The following TENM3 variants were observed in gnomAD, a reference collection of about 807,000 sequenced individuals.
The protein encoded by TENM3 is teneurin-3.
Under a neutral mutation model 255.1 loss-of-function variants are expected in TENM3, and 63 were observed. That is an observed-to-expected ratio of 0.25 (90% CI 0.20 to 0.30). The LOEUF is 0.30. Ranked by LOEUF, TENM3 falls within the 10% of genes least tolerant of loss-of-function variation. TENM3 has a pLI of 1.00. For missense variants in TENM3, 2,929 were observed against 3,461.1 expected, an observed-to-expected ratio of 0.85 and a Z score of 3.86; for synonymous variants, 1,306 against 1,322.3, an observed-to-expected ratio of 0.99 and a Z score of 0.27.
rs1448149862 is a variant in TENM3, at chr4:182,357,767, G to A, written c.511+10838G>A. Reference sequence around the variant, plus strand: ...TTGGCTTTTGTTGCCATTGCTTTTGGTGTTTTAGACATGAAGTCCTTGCCC... The same window carrying A: ...TTGGCTTTTGTTGCCATTGCTTTTGATGTTTTAGACATGAAGTCCTTGCCC... On this transcript the variant is annotated intron_variant, in intron 3 of 27. Coordinates refer to ENST00000511685, the MANE Select transcript of TENM3 (RefSeq NM_001080477.4). Among the ~76,000 whole-genome samples the A allele has an allele frequency of 1.8e-4, 27 of 148,858 alleles. 1 individual carries two copies. The South Asian group carries it at 5.5e-3, about 31-fold the overall frequency.
chr4:182,162,198 G>T (rs931501096), intron 1 of TENM3, among the ~76,000 whole-genome samples: 6 of 151,778 alleles, frequency 4.0e-5, no homozygotes, highest in Admixed American at 6.6e-5. Flanking sequence ...TTAATATTTT[G>T]CTGAAAGCAA....
chr4:182,052,559 C>T, the TENM3 span, among the ~76,000 whole-genome samples: 1 of 152,144 alleles, frequency 6.6e-6, no homozygotes, highest in Non-Finnish European at 1.5e-5. Context: ...TTTTCATAGC[C>T]ACAAACCTCA....
At chr4:182,220,746 T>C (rs1755805895) in intron 1 of TENM3, among the ~76,000 whole-genome samples, 1 of 152,248 alleles carries the variant, frequency 6.6e-6, no homozygotes. Context: ...CTAGCCCATG[T>C]ACAGTGTACA....
chr4:182,142,223 G>A (rs2149536405), upstream of TENM3: 1 of 152,266 alleles, frequency 6.6e-6, no homozygotes, highest in East Asian at 1.9e-4. Context: ...AGTGGCAGAA[G>A]GAGATGGATC....
the TENM3 span, among the ~76,000 whole-genome samples, chr4:181,916,535 G>T: frequency 6.6e-6 from 1 of 152,116 alleles, no homozygotes; most frequent in South Asian, 2.1e-4. Flanking sequence ...AAGGGTTATT[G>T]AAAGTATGAC....
intron 3 of TENM3, among the ~76,000 whole-genome samples, chr4:182,550,569 C>G (rs1741897611): frequency 6.6e-6 from 1 of 152,094 alleles, no homozygotes; most frequent in Non-Finnish European, 1.5e-5. Flanking sequence ...GACTTTAATT[C>G]TTAGCCTCTG....
the TENM3 span, among the ~76,000 whole-genome samples, chr4:182,093,507 C>T: frequency 1.3e-5 from 2 of 152,262 alleles, no homozygotes; most frequent in South Asian, 2.1e-4. Flanking sequence ...GAAAGAACTA[C>T]GTGATAGGAA....
At chr4:182,507,154 A>G (rs966447142) in intron 3 of TENM3, among the ~76,000 whole-genome samples, 9 of 151,972 alleles carry the variant, frequency 5.9e-5, no homozygotes, top group African/African-American at 2.2e-4. Context: ...TAAGGAAAAA[A>G]AAAGCACACT....
At chr4:182,684,177 AGTG>A (rs1391668447) in intron 11 of TENM3, among the ~76,000 whole-genome samples, 3 of 151,342 alleles carry the variant, frequency 2.0e-5, no homozygotes, top group African/African-American at 7.3e-5. Context: ...GGAAGAGAGA[AGTG>A]GAGGAGGAAG....
At chr4:181,775,555 A>G in the TENM3 span, among the ~76,000 whole-genome samples, 16 of 152,198 alleles carry the variant, frequency 1.1e-4, no homozygotes, top group Non-Finnish European at 1.9e-4. Flanking sequence ...AAATTTAATA[A>G]GTGTACCAAT....
the TENM3 span, among the ~76,000 whole-genome samples, chr4:181,957,858 T>C: frequency 6.6e-6 from 1 of 152,222 alleles, no homozygotes; most frequent in Non-Finnish European, 1.5e-5. Flanking sequence ...CTCATTTCAA[T>C]GTGTTGTAAA....
the TENM3 span, among the ~76,000 whole-genome samples, chr4:181,859,521 T>C: frequency 1.3e-5 from 2 of 152,178 alleles, no homozygotes; most frequent in South Asian, 2.1e-4. Flanking sequence ...CTCATCATTA[T>C]GAGTTAATTA....
chr4:181,702,307 A>G, the TENM3 span, among the ~76,000 whole-genome samples: 1 of 152,194 alleles, frequency 6.6e-6, no homozygotes, highest in East Asian at 1.9e-4. Context: ...TGCTATTACG[A>G]TACATAAATA....
At chr4:182,449,228 G>GGCTCC (rs1773246257) in intron 3 of TENM3, 1 of 49,808 alleles carries the variant, frequency 2.0e-5, no homozygotes, top group South Asian at 4.4e-4. Flanking sequence ...CGGCGGCGGC[G>GGCTCC]GCTCCGCTCT....
At chr4:181,926,800 A>C in the TENM3 span, among the ~76,000 whole-genome samples, 2 of 151,934 alleles carry the variant, frequency 1.3e-5, no homozygotes, top group African/African-American at 4.8e-5. Flanking sequence ...CTGCATTTCC[A>C]ACTGAGGTAC....
At chr4:182,136,913 T>A in the TENM3 span, among the ~76,000 whole-genome samples, 1 of 152,194 alleles carries the variant, frequency 6.6e-6, no homozygotes, top group Non-Finnish European at 1.5e-5. Flanking sequence ...GAATCTGTCT[T>A]TTGTCTTCCC....
rs368178789 is a variant in TENM3, at chr4:182,424,463, C to CT, written c.511+77544dup. 6.4e-3 allele frequency among the ~76,000 whole-genome samples: 951 copies of CT among 147,934 alleles called. 16 individuals carry two copies. The highest frequency in any genetic ancestry group is 0.021 in the African/African-American group (866 of 40,416). On this transcript the variant is annotated intron_variant, in intron 3 of 27. Transcript: ENST00000511685. ...TCACTGTTGATTTTGATTTTTTACA[C>CT]TTTTTTTTTTCATTTTTGACTATTA...
intron 3 of TENM3, among the ~76,000 whole-genome samples, chr4:182,362,145 G>A (rs1766045838): frequency 6.6e-6 from 1 of 152,050 alleles, no homozygotes. Flanking sequence ...GTGCCTCCCA[G>A]TTAGGCTGCT....
At chr4:181,977,516 G>T in the TENM3 span, among the ~76,000 whole-genome samples, 1 of 152,152 alleles carries the variant, frequency 6.6e-6, no homozygotes, top group South Asian at 2.1e-4. Flanking sequence ...GAAAAATGAA[G>T]AGACAGTTCT....
Sources: allele counts gnomAD v4.1 joint callset (sites outside exome capture counted in the v4.1 genomes callset), GRCh38; gene constraint gnomAD v4.1.1; transcripts MANE v1.5; gene names NCBI Gene and HGNC (gene_info 2026-07-23, HGNC 2026-07-21).